The following CCDC191 variants were observed in gnomAD, a reference collection of about 807,000 sequenced individuals.
CCDC191 encodes coiled-coil domain containing 191, also known as coiled-coil domain-containing protein 191.
Under a neutral mutation model 114.0 loss-of-function variants are expected in CCDC191, and 99 were observed. That is an observed-to-expected ratio of 0.87 (90% confidence interval 0.74 to 1.03). CCDC191 has a LOEUF of 1.03. Among genes scored for constraint, CCDC191 ranks in the 50% least tolerant of loss-of-function variants. CCDC191 has a pLI of 0.00. For synonymous variants in CCDC191, 351 were observed against 376.0 expected (o/e 0.93, Z 0.77); for missense variants, 973 against 1,087.0 (o/e 0.90, Z 1.47).
In CCDC191 at chr3:113,980,700, C is replaced by CT; in HGVS notation, c.2256dup (p.Gly753ArgfsTer39). Reference sequence around the variant, plus strand: ...CTCAATCTCTTCCAAGGCTCTAGACCTTTTTTCCTTAGCAAGACCCTTTCA... The same window carrying CT: ...CTCAATCTCTTCCAAGGCTCTAGACCTTTTTTTCCTTAGCAAGACCCTTTCA... On this transcript the variant is annotated frameshift_variant, in exon 14 of 17. Coordinates refer to ENST00000295878, the MANE Select transcript of CCDC191 (RefSeq NM_020817.2). LOFTEE classifies it high-confidence loss of function. The CT allele has an allele frequency of 6.2e-7, 1 of 1,609,364 alleles. No homozygotes were observed. The highest frequency in any genetic ancestry group is 2.2e-5 in the East Asian group (1 of 44,694).
rs762711760 is a variant in CCDC191 at position 114,002,558 on chromosome 3, T to A, written c.1979-20A>T. ...CCATAGCTAGAAAATAGTAACAGAGTTCTAATATTTTTTATATTGAAAAAA... is the reference window on the plus strand; with the variant it reads ...CCATAGCTAGAAAATAGTAACAGAGATCTAATATTTTTTATATTGAAAAAA... On this transcript the variant is annotated intron_variant, in intron 11 of 16. Transcript: ENST00000295878. 3 of 1,565,104 alleles carry A rather than the reference T, an allele frequency of 1.9e-6. No homozygotes were observed. Among genetic ancestry groups the A allele is most frequent in the African/African-American group, 2.7e-5 (2 of 73,038 alleles).
Position 113,995,980 on chromosome 3 carries a change from T to G in CCDC191, c.2163+5615A>C, listed in dbSNP as rs1213287562. 3.7e-3 allele frequency among the ~76,000 whole-genome samples: 556 copies of G among 152,030 alleles called. 15 individuals carry two copies. The highest frequency in any genetic ancestry group is 3.3e-3 in the East Asian group (17 of 5,178). ...CCCACTTTTTGATGGGACTGTTTCT[T>G]TTTTTTTTTATACATTTAAATTCTT... is the stretch of plus-strand genomic sequence containing the variant. On this transcript the variant is annotated intron_variant, in intron 13 of 16. Coordinates refer to ENST00000295878, the MANE Select transcript of CCDC191 (RefSeq NM_020817.2).
At chr3:114,001,005 A>G (rs1016899875) in intron 13 of CCDC191, among the ~76,000 whole-genome samples, 7 of 152,074 alleles carry the variant, frequency 4.6e-5, no homozygotes, top group Admixed American at 2.6e-4. Context: ...ACTCTACTAC[A>G]GTGTCTCTGA....
chr3:114,014,657 AT>A (rs1374213209), intron 8 of CCDC191, among the ~76,000 whole-genome samples: 1 of 152,076 alleles, frequency 6.6e-6, no homozygotes, highest in African/African-American at 2.4e-5. Flanking sequence ...ACTTAGCCAC[AT>A]TCTGCCTCTT....
chr3:114,044,333 T>C (rs947740029), intron 3 of CCDC191, among the ~76,000 whole-genome samples: 1 of 152,176 alleles, frequency 6.6e-6, no homozygotes, highest in Non-Finnish European at 1.5e-5. Flanking sequence ...TAACCTCCAT[T>C]TGGATTTCTT....
chr3:114,039,055 C>A (rs1380311389), intron 4 of CCDC191, among the ~76,000 whole-genome samples: 1 of 151,902 alleles, frequency 6.6e-6, no homozygotes, highest in East Asian at 1.9e-4. Flanking sequence ...AAATAAAGCA[C>A]CCTCAAAAAA....
At chr3:113,982,151 T>C (rs933273989) in intron 13 of CCDC191, among the ~76,000 whole-genome samples, 2 of 152,224 alleles carry the variant, frequency 1.3e-5, no homozygotes, top group Admixed American at 6.5e-5. Flanking sequence ...ACTATCCTCC[T>C]AGAATAATTA....
intron 13 of CCDC191, among the ~76,000 whole-genome samples, chr3:113,982,613 G>A (rs1338078649): frequency 6.6e-6 from 1 of 151,658 alleles, no homozygotes; most frequent in African/African-American, 2.4e-5. Flanking sequence ...TGCTTTAGGA[G>A]AAAAGCCAGA....
At chr3:114,056,587 A>AC (rs1329104757), upstream of CCDC191, 8 of 1,590,822 alleles carry the variant, frequency 5.0e-6, no homozygotes, top group Middle Eastern at 1.7e-4. Context: ...GGCATAGGAC[A>AC]CCGTCGAACC....
At position 114,001,643 on chromosome 3, in the gene CCDC191, C is replaced by T; in HGVS notation, c.2115G>A (p.Lys705=). 6.2e-7 allele frequency: 1 copy of T among 1,613,906 alleles called. No individual in the cohort carries two copies. The highest frequency in any genetic ancestry group is 8.5e-7 in the Non-Finnish European group (1 of 1,179,826). Reference sequence around the variant, plus strand: ...CTCGTTTTCTTTCAAGCTGTGCCTCCTTTTCTTCTGCCTCCCTTTTCTGAC... The same window carrying T: ...CTCGTTTTCTTTCAAGCTGTGCCTCTTTTTCTTCTGCCTCCCTTTTCTGAC... The part of the protein sequence containing the change: ...EERQKREAEE[K]EAQLERKREE... Residue 705 remains lysine, a synonymous_variant, in exon 13 of 17, where the codon AAG becomes AAA. Transcript: ENST00000295878.
intron 13 of CCDC191, among the ~76,000 whole-genome samples, chr3:114,000,612 T>C (rs2075836321): frequency 6.6e-6 from 1 of 152,120 alleles, no homozygotes; most frequent in Non-Finnish European, 1.5e-5. Context: ...CTCCAAATTC[T>C]TCATGAAACA....
At chr3:113,987,974 G>A (rs533913757) in intron 13 of CCDC191, among the ~76,000 whole-genome samples, 65 of 151,422 alleles carry the variant, frequency 4.3e-4, no homozygotes, top group African/African-American at 1.4e-3. Context: ...CCCAGGAAGC[G>A]GATGTTGCAG....
At chr3:114,013,330 G>C (rs952072305) in intron 8 of CCDC191, among the ~76,000 whole-genome samples, 5 of 152,154 alleles carry the variant, frequency 3.3e-5, no homozygotes, top group Admixed American at 2.0e-4. Context: ...AAAGGCAGAA[G>C]CACAGAAGCT....
intron 8 of CCDC191, among the ~76,000 whole-genome samples, chr3:114,017,244 C>T (rs1179401813): frequency 1.3e-5 from 2 of 152,036 alleles, no homozygotes; most frequent in African/African-American, 4.8e-5. Flanking sequence ...TGCCATCATC[C>T]CAGTCTCCCC....
At chr3:113,987,175 A>G (rs1210166766) in intron 13 of CCDC191, among the ~76,000 whole-genome samples, 2 of 152,130 alleles carry the variant, frequency 1.3e-5, no homozygotes, top group East Asian at 1.9e-4. Context: ...ATATCCGGCA[A>G]AAAACATACT....
intron 13 of CCDC191, among the ~76,000 whole-genome samples, chr3:113,985,329 G>C (rs143363743): frequency 6.6e-6 from 1 of 152,292 alleles, no homozygotes; most frequent in African/African-American, 2.4e-5. Flanking sequence ...TGGCAGATTA[G>C]CACTGCATCT....
At chr3:114,020,857 A>G (rs1219402512) in intron 7 of CCDC191, among the ~76,000 whole-genome samples, 1 of 152,182 alleles carries the variant, frequency 6.6e-6, no homozygotes, top group Non-Finnish European at 1.5e-5. Context: ...AACACTATTA[A>G]TAGTATCCTT....
At chr3:113,995,364 T>C (rs2075691583) in intron 13 of CCDC191, among the ~76,000 whole-genome samples, 1 of 152,216 alleles carries the variant, frequency 6.6e-6, no homozygotes, top group Non-Finnish European at 1.5e-5. Context: ...AAGGAACTGC[T>C]TTTTATAATA....
chr3:113,985,510 G>A (rs1222853763), intron 13 of CCDC191, among the ~76,000 whole-genome samples: 4 of 152,178 alleles, frequency 2.6e-5, no homozygotes, highest in African/African-American at 9.6e-5. Flanking sequence ...CTCTACCACT[G>A]GAGTGGGAAC....
Sources: allele counts gnomAD v4.1 joint callset (sites outside exome capture counted in the v4.1 genomes callset), GRCh38; gene constraint gnomAD v4.1.1; transcripts MANE v1.5; gene names NCBI Gene and HGNC (gene_info 2026-07-23, HGNC 2026-07-21).